The following CCDC33 variants were observed in gnomAD, a reference collection of about 807,000 sequenced individuals.
The protein encoded by CCDC33 is coiled-coil domain-containing protein 33.
Under a neutral mutation model 91.9 loss-of-function variants are expected in CCDC33, and 94 were observed. The ratio of observed to expected loss-of-function variants is 1.02; its 90% CI spans 0.87 to 1.21. CCDC33 has a LOEUF of 1.21. Ranked by LOEUF, CCDC33 falls within the 50% of genes most tolerant of loss-of-function variation. CCDC33 has a pLI of 0.00. For synonymous variants in CCDC33, 396 were observed against 374.5 expected (o/e 1.06, Z -0.66); for missense variants, 940 against 935.5 (o/e 1.00, Z -0.06).
chr15:74,333,111 C>G lies in CCDC33; in HGVS notation c.1938+266C>G, dbSNP rs536360519. The G allele has an allele frequency of 4.3e-6, 4 of 936,166 alleles. No individual in the cohort carries two copies. In the East Asian group the frequency reaches 1.1e-4, roughly 25 times the overall value. 58.0% of individuals were successfully genotyped at this position (936,166 alleles called of 1,614,324 possible). A position where few individuals can be genotyped will look rare whatever the true frequency, so the allele number is the denominator to read the frequency against. ...ACCCTTGGTCCCTGAACCCTGACCC[C>G]TTTTTCACCTGGCTGGCCTCCACCT... On this transcript the variant is annotated intron_variant, in intron 16 of 18. Coordinates refer to ENST00000398814, the MANE Select transcript of CCDC33 (RefSeq NM_025055.5).
chr15:74,294,443 A>T (rs1012982535), intron 10 of CCDC33, among the ~76,000 whole-genome samples: 21 of 278 alleles, frequency 0.076, no homozygotes, highest in African/African-American at 0.093. Flanking sequence ...ATTTTATTTA[A>T]AAAAAAAAAA....
intron 11 of CCDC33, among the ~76,000 whole-genome samples, chr15:74,315,784 A>G (rs2060077901): frequency 6.6e-6 from 1 of 152,156 alleles, no homozygotes; most frequent in Non-Finnish European, 1.5e-5. Flanking sequence ...AGAGGTTCTG[A>G]GGCCACAGGA....
intron 2 of CCDC33, among the ~76,000 whole-genome samples, chr15:74,222,477 T>C (rs915684446): frequency 1.3e-5 from 2 of 152,024 alleles, no homozygotes; most frequent in African/African-American, 4.8e-5. Context: ...ACGATTTCGT[T>C]TCCCAGGAGC....
chr15:74,239,388 C>T (rs2075278325), intron 1 of CCDC33, among the ~76,000 whole-genome samples: 1 of 152,180 alleles, frequency 6.6e-6, no homozygotes, highest in African/African-American at 2.4e-5. Flanking sequence ...GCCCTTCCCC[C>T]CAGCACATGG....
Position 74,207,984 on chromosome 15 carries a change from T to A in CCDC33, n.90-1404T>A, listed in dbSNP as rs763886141. 1.3e-5 allele frequency: 18 copies of A among 1,418,456 alleles called. No individual in the cohort carries two copies. The South Asian group carries it at 2.3e-4, about 18-fold the overall frequency. The allele number at this position is 1,418,456 out of a possible 1,614,324, so 87.9% of individuals were successfully genotyped here. A position where few individuals can be genotyped will look rare whatever the true frequency, so the allele number is the denominator to read the frequency against. On this transcript the variant is annotated intron_variant and non_coding_transcript_variant, in intron 1 of 3. Coordinates refer to the CCDC33 transcript ENST00000558645. ...CTACCTCCCCTGCCATGTGGGAGGG[T>A]CAGAAGCACCATCTGATGTGCCCTT...
At position 74,268,957 on chromosome 15, in the gene CCDC33, G is replaced by A. The variant is rs351162; in HGVS notation, c.546+499G>A. ...GTGTCTAAAGAGGTTTGACTGGTCT[G>A]GCGATTAGGTATTTAGTTTATTCAT... is the stretch of plus-strand genomic sequence containing the variant. On this transcript the variant is annotated intron_variant, in intron 5 of 18. Coordinates refer to ENST00000398814, the MANE Select transcript of CCDC33 (RefSeq NM_025055.5). Among the ~76,000 whole-genome samples, 291 of 152,338 alleles carry A rather than the reference G, an allele frequency of 1.9e-3. 2 individuals carry two copies. The highest frequency in any genetic ancestry group is 6.5e-3 in the African/African-American group (270 of 41,568).
rs1399893506 is a variant in CCDC33 at position 74,295,862 on chromosome 15, A to C, written c.1204A>C (p.Thr402Pro). ...RTIQESWSKD[T>P]VSSTMDLSTS... ...CATCCAAGAGTCCTGGTCCAAGGAC[A>C]CAGTGAGCTCCACAATGGACTTGAG... The change falls in exon 11 of 19, where the codon ACA becomes CCA. Residue 402 changes from threonine to proline, a missense_variant. Transcript: ENST00000398814. 5.6e-6 allele frequency: 9 copies of C among 1,614,094 alleles called. No individual in the cohort carries two copies. The highest frequency in any genetic ancestry group is 7.6e-6 in the Non-Finnish European group (9 of 1,180,032).
At chr15:74,269,636 C>G (rs1322686261) in intron 5 of CCDC33, among the ~76,000 whole-genome samples, 2 of 152,232 alleles carry the variant, frequency 1.3e-5, no homozygotes, top group Non-Finnish European at 2.9e-5. Flanking sequence ...CCCCAAGACA[C>G]AGGCAGAACT....
At chr15:74,330,384 C>T (rs374571754) in intron 12 of CCDC33, 30 bp downstream of exon 12, 14 of 1,530,730 alleles carry the variant, frequency 9.1e-6, no homozygotes, top group East Asian at 4.7e-5. Context: ...CAAGGGCACC[C>T]GGGCTTCTGC....
chr15:74,217,472 T>C (rs755812124), exon 1 of CCDC33: 9 of 1,289,646 alleles, frequency 7.0e-6, no homozygotes, highest in Non-Finnish European at 3.0e-6. Flanking sequence ...AAGTGAATGA[T>C]GGGGACCCCT....
chr15:74,229,060 G>A (rs2074890157), intron 2 of CCDC33, among the ~76,000 whole-genome samples: 2 of 152,194 alleles, frequency 1.3e-5, no homozygotes, highest in Non-Finnish European at 2.9e-5. Flanking sequence ...TGTCCAGTGG[G>A]CGAGGTACCC....
At position 74,272,894 on chromosome 15, in the gene CCDC33, A is replaced by G; in HGVS notation, c.759+3A>G. ...TCAGCCAGAACGGATGCCCTCAGGT[A>G]TGTCTCCTCCCCAGTGGTTCCAGCT... On this transcript the variant is annotated splice_donor_region_variant and intron_variant, in intron 7 of 18. Transcript: ENST00000398814. The G allele has an allele frequency of 6.2e-7, 1 of 1,614,128 alleles. No individual in the cohort carries two copies. The highest frequency in any genetic ancestry group is 8.5e-7 in the Non-Finnish European group (1 of 1,179,992).
At chr15:74,331,951 GC>G (rs1440536255) in intron 15 of CCDC33, among the ~76,000 whole-genome samples, 2 of 152,112 alleles carry the variant, frequency 1.3e-5, no homozygotes, top group African/African-American at 4.8e-5. Flanking sequence ...AATCACTTGA[GC>G]CCAGGAGGCA....
chr15:74,219,187 T>C (rs1202716493), intron 2 of CCDC33, among the ~76,000 whole-genome samples: 3 of 152,194 alleles, frequency 2.0e-5, no homozygotes, highest in Non-Finnish European at 2.9e-5. Context: ...AGGCCCCGAG[T>C]GACCAGGGGA....
chr15:74,211,393 CTT>C (rs34963230), intron 2 of CCDC33, among the ~76,000 whole-genome samples: 341 of 73,862 alleles, frequency 4.6e-3, no homozygotes, highest in African/African-American at 0.017. Flanking sequence ...CTGCCCCTGG[CTT>C]TTTTTTTTTT....
intron 2 of CCDC33, among the ~76,000 whole-genome samples, chr15:74,229,206 C>T (rs1309324070): frequency 6.6e-6 from 1 of 152,148 alleles, no homozygotes. Context: ...AAAATGGGGA[C>T]AACAAGCTGG....
chr15:74,278,968 G>A (rs1355070893), intron 7 of CCDC33, among the ~76,000 whole-genome samples: 1 of 152,190 alleles, frequency 6.6e-6, no homozygotes, highest in Non-Finnish European at 1.5e-5. Context: ...AGGGGCTGGG[G>A]AAACTGTGTG....
intron 2 of CCDC33, among the ~76,000 whole-genome samples, chr15:74,225,005 TC>T (rs1305904818): frequency 6.6e-6 from 1 of 151,980 alleles, no homozygotes; most frequent in African/African-American, 2.4e-5. Flanking sequence ...GGGAAGAGCC[TC>T]CATTAGCAGA....
At chr15:74,331,504 C>A (rs1426032330) in intron 15 of CCDC33, among the ~76,000 whole-genome samples, 1 of 152,192 alleles carries the variant, frequency 6.6e-6, no homozygotes, top group Non-Finnish European at 1.5e-5. Flanking sequence ...CCCTCCTTCC[C>A]TGGAAGCCCC....
Sources: allele counts gnomAD v4.1 joint callset (sites outside exome capture counted in the v4.1 genomes callset), GRCh38; gene constraint gnomAD v4.1.1; transcripts MANE v1.5; gene names NCBI Gene and HGNC (gene_info 2026-07-23, HGNC 2026-07-21).